Variants in MTUS1 observed in about 807,000 individuals in gnomAD.
MTUS1 encodes the protein microtubule-associated tumor suppressor 1.
Under a neutral mutation model 120.8 loss-of-function variants are expected in MTUS1, and 109 were observed. The observed-to-expected ratio is 0.90, with a 90% confidence interval of 0.77 to 1.06. The LOEUF is 1.06. Among genes scored for constraint, MTUS1 ranks in the 50% least tolerant of loss-of-function variants. MTUS1 has a pLI of 0.00. For missense variants in MTUS1, 2,210 were observed against 1,486.3 expected, an observed-to-expected ratio of 1.49 and a Z score of -8.01; for synonymous variants, 737 against 550.5, an observed-to-expected ratio of 1.34 and a Z score of -4.74.
intron 3 of MTUS1, chr8:17,724,124 T>C (rs574673602): frequency 7.6e-6 from 4 of 524,534 alleles, no homozygotes; most frequent in South Asian, 3.3e-5. Flanking sequence ...AAGGAGATGA[T>C]CAATCAGAAT....
At chr8:17,721,979 T>G in intron 4 of MTUS1, 1 of 1,430,726 alleles carries the variant, frequency 7.0e-7, no homozygotes, top group South Asian at 1.8e-5. Context: ...TTGCTCTTAG[T>G]GAATTCGAAT....
At chr8:17,718,587 C>T (rs1326367092) in intron 4 of MTUS1, among the ~76,000 whole-genome samples, 3 of 152,010 alleles carry the variant, frequency 2.0e-5, no homozygotes, top group Non-Finnish European at 4.4e-5. Context: ...TTCTAGAGAG[C>T]CATGGACACT....
chr8:17,664,807 A>G (rs1475753867), intron 8 of MTUS1, among the ~76,000 whole-genome samples: 1 of 152,090 alleles, frequency 6.6e-6, no homozygotes, highest in Non-Finnish European at 1.5e-5. Flanking sequence ...CCCTTAAGCC[A>G]AGGTCTGATC....
chr8:17,718,681 A>T (rs1384612109), intron 4 of MTUS1, among the ~76,000 whole-genome samples: 1 of 151,934 alleles, frequency 6.6e-6, no homozygotes, highest in Admixed American at 6.6e-5. Flanking sequence ...TGTAGTTTAA[A>T]ACTGCCCCTT....
intron 3 of MTUS1, among the ~76,000 whole-genome samples, chr8:17,724,605 T>C (rs1044860714): frequency 5.3e-5 from 8 of 152,176 alleles, no homozygotes; most frequent in East Asian, 1.9e-4. Context: ...TTTCCACTTA[T>C]CAGTGAAATA....
At chr8:17,659,944 A>C (rs1809314425) in intron 8 of MTUS1, among the ~76,000 whole-genome samples, 1 of 152,210 alleles carries the variant, frequency 6.6e-6, no homozygotes. Flanking sequence ...GAATCTGACC[A>C]TTCAGTACCT....
chr8:17,763,631 G>C (rs1162494829), intron 1 of MTUS1, among the ~76,000 whole-genome samples: 1 of 152,078 alleles, frequency 6.6e-6, no homozygotes, highest in Non-Finnish European at 1.5e-5. Flanking sequence ...ACGGTGCACT[G>C]AGGGAGATAC....
Position 17,654,682 on chromosome 8 carries a change from AAAACC to A in MTUS1, c.3109-21_3109-17del. 1 of 1,594,822 alleles carries A rather than the reference AAAACC, an allele frequency of 6.3e-7. No individual in the cohort carries two copies. Among genetic ancestry groups the A allele is most frequent in the Non-Finnish European group, 8.6e-7 (1 of 1,162,396 alleles). ...AGTTGTCAAACTGTAAGCAACAAAC[AAAACC>A]GTGGTTTAACAGTAAAACCAAATGT... On this transcript the variant is annotated splice_polypyrimidine_tract_variant and intron_variant, in intron 9 of 14. Transcript: ENST00000693296.
Position 17,745,991 on chromosome 8 carries a change from G to A in MTUS1, c.2092-2192C>T, listed in dbSNP as rs183612483. Among the ~76,000 whole-genome samples, 169 of 152,224 alleles carry A rather than the reference G, an allele frequency of 1.1e-3. No homozygotes were observed. The South Asian group carries it at 0.017, about 16-fold the overall frequency. ...GGTTGTTTAAAAGGGTGTGTCACCT[G>A]CCCCCTCACTCTCTTCCTCCTCCTC... On this transcript the variant is annotated intron_variant, in intron 2 of 14. Coordinates refer to ENST00000693296, the MANE Select transcript of MTUS1 (RefSeq NM_001363059.2).
At chr8:17,676,352 C>G (rs888501404) in intron 7 of MTUS1, 5 of 702,858 alleles carry the variant, frequency 7.1e-6, no homozygotes, top group South Asian at 4.4e-5. Context: ...GTCTCCAAGT[C>G]CCCCCACCCC....
At chr8:17,657,719 G>A (rs1358589752) in intron 8 of MTUS1, among the ~76,000 whole-genome samples, 1 of 143,746 alleles carries the variant, frequency 7.0e-6, no homozygotes, top group African/African-American at 2.6e-5. Flanking sequence ...CCCTGCTACT[G>A]AGGAGGCTGA....
At chr8:17,706,929 A>G (rs1481152892) in intron 6 of MTUS1, among the ~76,000 whole-genome samples, 1 of 152,224 alleles carries the variant, frequency 6.6e-6, no homozygotes, top group African/African-American at 2.4e-5. Context: ...TACATGCTAA[A>G]CTTTTTGAAG....
chr8:17,708,506 T>C (rs1177771023), intron 6 of MTUS1, among the ~76,000 whole-genome samples: 1 of 152,218 alleles, frequency 6.6e-6, no homozygotes, highest in South Asian at 2.1e-4. Context: ...GGTGAGGATA[T>C]AAAGTGGTCC....
intron 1 of MTUS1, among the ~76,000 whole-genome samples, chr8:17,773,265 C>T (rs1193639605): frequency 6.6e-6 from 1 of 152,172 alleles, no homozygotes; most frequent in Admixed American, 6.5e-5. Context: ...TGCAACGTCT[C>T]AGATCACCAT....
At chr8:17,679,199 T>C (rs11998350) in intron 7 of MTUS1, among the ~76,000 whole-genome samples, 21,825 of 60,322 alleles carry the variant, frequency 0.36, 1,694 homozygotes, top group Non-Finnish European at 0.5. Flanking sequence ...AAAATATATA[T>C]ACACACACAC....
rs1293988401 is a variant in MTUS1, at chr8:17,766,521, T to C, written c.-154-10560A>G. 4.6e-5 allele frequency among the ~76,000 whole-genome samples: 7 copies of C among 152,222 alleles called. No homozygotes were observed. The South Asian group carries it at 1.4e-3, about 32-fold the overall frequency. On this transcript the variant is annotated intron_variant, in intron 1 of 14. Coordinates refer to ENST00000693296, the MANE Select transcript of MTUS1 (RefSeq NM_001363059.2). ...TTTTCTTTTAGACATTTGCAGATCT[T>C]ATCTGAAGGTGACTAAGAGCCCAGA...
At chr8:17,727,519 A>G (rs752100952) in intron 3 of MTUS1, among the ~76,000 whole-genome samples, 2 of 152,214 alleles carry the variant, frequency 1.3e-5, no homozygotes, top group Non-Finnish European at 2.9e-5. Context: ...AAGACATATA[A>G]CTATTTCACC....
At chr8:17,706,506 A>C (rs1377425320) in intron 6 of MTUS1, among the ~76,000 whole-genome samples, 1 of 152,228 alleles carries the variant, frequency 6.6e-6, no homozygotes, top group East Asian at 1.9e-4. Context: ...TTAAACTATT[A>C]TGTTAGTCAA....
intron 3 of MTUS1, among the ~76,000 whole-genome samples, chr8:17,743,058 T>C (rs2047458264): frequency 6.6e-6 from 1 of 152,146 alleles, no homozygotes; most frequent in African/African-American, 2.4e-5. Context: ...TAATAGCTAT[T>C]CTTGAGGCGC....
Sources: allele counts gnomAD v4.1 joint callset (sites outside exome capture counted in the v4.1 genomes callset), GRCh38; gene constraint gnomAD v4.1.1; transcripts MANE v1.5; gene names NCBI Gene and HGNC (gene_info 2026-07-23, HGNC 2026-07-21).